The following LEPROT variants were observed in gnomAD, a reference collection of about 807,000 sequenced individuals.
LEPROT encodes the protein leptin receptor gene-related protein.
Under a neutral mutation model 15.4 loss-of-function variants are expected in LEPROT, and 3 were observed. The ratio of observed to expected loss-of-function variants is 0.19; its 90% confidence interval spans 0.09 to 0.50. LEPROT has a LOEUF of 0.50. Ranked by LOEUF, LEPROT falls within the 20% of genes least tolerant of loss-of-function variation. The pLI is 0.97. For synonymous variants in LEPROT, 59 were observed against 57.5 expected (o/e 1.03, Z -0.12); for missense variants, 137 against 162.2 (o/e 0.84, Z 0.84).
rs1220869438 is a variant in LEPROT at position 65,432,953 on chromosome 1, C to G, written c.*1034C>G. The G allele has an allele frequency of 2.0e-6, 2 of 984,664 alleles. No homozygotes were observed. Among genetic ancestry groups the G allele is most frequent in the Non-Finnish European group, 2.4e-6 (2 of 829,396 alleles). The allele number at this position is 984,664 out of a possible 1,614,324, so 61.0% of individuals were successfully genotyped here. Reference sequence around the variant, plus strand: ...GTCAATATATAATCAAAATAAAAAACAAAACATACTCTCTCCCCCAAAAAA... The same window carrying G: ...GTCAATATATAATCAAAATAAAAAAGAAAACATACTCTCTCCCCCAAAAAA... On this transcript the variant is annotated 3_prime_UTR_variant, in exon 4 of 4. Transcript: ENST00000371065.
At chr1:65,421,281 G>A in intron 1 of LEPROT, 2 of 1,485,320 alleles carry the variant, frequency 1.3e-6, no homozygotes, top group Non-Finnish European at 1.8e-6. Flanking sequence ...TAGATTACGT[G>A]TAATTTTAAT....
rs1379651445 is a variant in LEPROT, at chr1:65,427,839, C to T, written c.93-2023C>T. The T allele has an allele frequency of 8.2e-6, 3 of 365,148 alleles. No homozygotes were observed. The East Asian group carries it at 2.5e-4, about 31-fold the overall frequency. 22.6% of individuals were successfully genotyped at this position (365,148 alleles called of 1,614,324 possible). A position where few individuals can be genotyped will look rare whatever the true frequency, so the allele number is the denominator to read the frequency against. On this transcript the variant is annotated intron_variant, in intron 2 of 3. Transcript: ENST00000371065. Reference sequence around the variant, plus strand: ...AAGTTTTTGTAGAGACCGAGTCTCTCTGTGTTGCTCAGGCTGGTCTTGAAC... The same window carrying T: ...AAGTTTTTGTAGAGACCGAGTCTCTTTGTGTTGCTCAGGCTGGTCTTGAAC...
chr1:65,432,902 T>C lies in LEPROT; in HGVS notation c.*983T>C. 1 of 899,266 alleles carries C rather than the reference T, an allele frequency of 1.1e-6. No homozygotes were observed. The highest frequency in any genetic ancestry group is 1.3e-6 in the Non-Finnish European group (1 of 751,426). The allele number at this position is 899,266 out of a possible 1,614,324, so 55.7% of individuals were successfully genotyped here. On this transcript the variant is annotated 3_prime_UTR_variant, in exon 4 of 4. Coordinates refer to ENST00000371065, the MANE Select transcript of LEPROT (RefSeq NM_017526.5). ...ATTCAAAAATCATAAAACCGTATTG[T>C]ACCCTATAAAAATATACAATAATTT...
At chr1:65,423,481 A>G (rs1047030317) in intron 1 of LEPROT, among the ~76,000 whole-genome samples, 1 of 152,198 alleles carries the variant, frequency 6.6e-6, no homozygotes, top group Admixed American at 6.5e-5. Context: ...GACAGGCCTC[A>G]TGGAGGAGGG....
rs945809559 is a variant in LEPROT at position 65,434,403 on chromosome 1, T to C, written c.*2484T>C. On this transcript the variant is annotated 3_prime_UTR_variant, in exon 4 of 4. Coordinates refer to ENST00000371065, the MANE Select transcript of LEPROT (RefSeq NM_017526.5). ...AAAACTGAGATTGCACTTCCAAAAT[T>C]GGCCACAAGTAAATAATCTTATGAA... is the stretch of plus-strand genomic sequence containing the variant. 1 of 985,400 alleles carries C rather than the reference T, an allele frequency of 1.0e-6. No individual in the cohort carries two copies. The highest frequency in any genetic ancestry group is 1.7e-5 in the African/African-American group (1 of 57,354). The allele number at this position is 985,400 out of a possible 1,614,324, so 61.0% of individuals were successfully genotyped here.
intron 2 of LEPROT, among the ~76,000 whole-genome samples, chr1:65,426,303 T>C (rs932201927): frequency 7.2e-6 from 1 of 139,020 alleles, no homozygotes; most frequent in African/African-American, 3.3e-5. Flanking sequence ...TAAATTGTAG[T>C]GGAGTGGCAA....
rs574942301 is a variant in LEPROT at position 65,427,722 on chromosome 1, C to A, written c.93-2140C>A. 5.5e-5 allele frequency: 19 copies of A among 343,884 alleles called. No homozygotes were observed. The East Asian group carries it at 1.3e-3, about 24-fold the overall frequency. 21.3% of individuals were successfully genotyped at this position (343,884 alleles called of 1,614,324 possible). Reference sequence around the variant, plus strand: ...GTCTTTGTAAGGTAAGAAAATGACTCATTACTGCTACTACAAATAAGTTTG... The same window carrying A: ...GTCTTTGTAAGGTAAGAAAATGACTAATTACTGCTACTACAAATAAGTTTG... On this transcript the variant is annotated intron_variant, in intron 2 of 3. Coordinates refer to ENST00000371065, the MANE Select transcript of LEPROT (RefSeq NM_017526.5).
chr1:65,431,136 G>A (rs1345605983), intron 3 of LEPROT, among the ~76,000 whole-genome samples: 6 of 152,198 alleles, frequency 3.9e-5, no homozygotes, highest in African/African-American at 1.4e-4. Context: ...AATACAACAA[G>A]ATTGTCATGA....
Position 65,431,869 on chromosome 1 carries a change from T to C in LEPROT, c.346T>C (p.Phe116Leu). 1 of 1,613,990 alleles carries C rather than the reference T, an allele frequency of 6.2e-7. No homozygotes were observed. The highest frequency in any genetic ancestry group is 8.5e-7 in the Non-Finnish European group (1 of 1,179,950). The change falls in exon 4 of 4, where the codon TTT becomes CTT. Residue 116 changes from phenylalanine (F) to leucine (L), a missense_variant. Transcript: ENST00000371065. ...AGTCATTTTCCTTACAATTCAAGGG[T>C]TTTTCCTTATATTTGGAAGAGGAGA... ...NAVIFLTIQGFFLIFGRGDDF... is the reference protein window; with the variant it reads ...NAVIFLTIQGLFLIFGRGDDF...
chr1:65,428,440 G>A (rs762788977), intron 2 of LEPROT, among the ~76,000 whole-genome samples: 15 of 152,196 alleles, frequency 9.9e-5, no homozygotes, highest in Non-Finnish European at 1.9e-4. Flanking sequence ...AGTAGAGAAT[G>A]TCTAAGGGCT....
At position 65,434,012 on chromosome 1, in the gene LEPROT, A is replaced by C. The variant is rs147407267; in HGVS notation, c.*2093A>C. 7.2e-5 allele frequency: 71 copies of C among 985,306 alleles called. No individual in the cohort carries two copies. In the African/African-American group the frequency reaches 1.2e-3, roughly 16 times the overall value. The allele number at this position is 985,306 out of a possible 1,614,324, so 61.0% of individuals were successfully genotyped here. A position where few individuals can be genotyped will look rare whatever the true frequency, so the allele number is the denominator to read the frequency against. On this transcript the variant is annotated 3_prime_UTR_variant, in exon 4 of 4. Transcript: ENST00000371065. ...AAGATGGCAATAATGATTCATTTCT[A>C]CTACATTTTGCAAAAGTGTTTTTGT...
chr1:65,424,241 G>A (rs1646313651), intron 1 of LEPROT, among the ~76,000 whole-genome samples: 1 of 152,250 alleles, frequency 6.6e-6, no homozygotes, highest in African/African-American at 2.4e-5. Context: ...GTGCACACTA[G>A]TTGGGAATTG....
intron 2 of LEPROT, among the ~76,000 whole-genome samples, chr1:65,429,548 A>T (rs1368888634): frequency 2.0e-5 from 3 of 152,204 alleles, no homozygotes; most frequent in East Asian, 3.9e-4. Flanking sequence ...TCTATAGGGA[A>T]GGCAGAAATG....
At chr1:65,425,419 T>C in intron 2 of LEPROT, 41 bp downstream of exon 2, 2 of 1,537,466 alleles carry the variant, frequency 1.3e-6, no homozygotes, top group African/African-American at 2.8e-5. Context: ...TCTTTCTGTG[T>C]CTTTGTCACT....
chr1:65,429,314 A>T (rs532949293), intron 2 of LEPROT, among the ~76,000 whole-genome samples: 2 of 152,330 alleles, frequency 1.3e-5, no homozygotes, highest in Non-Finnish European at 2.9e-5. Flanking sequence ...TATGAGCTCA[A>T]GAGTGTTCAA....
At position 65,434,288 on chromosome 1, in the gene LEPROT, A is replaced by C; in HGVS notation, c.*2369A>C. On this transcript the variant is annotated 3_prime_UTR_variant, in exon 4 of 4. Coordinates refer to ENST00000371065, the MANE Select transcript of LEPROT (RefSeq NM_017526.5). ...TACAAAAGTTTGATCATGGTGACAC[A>C]AATGTTGGACATTTTTTTCCTTATA... 1 of 984,060 alleles carries C rather than the reference A, an allele frequency of 1.0e-6. No homozygotes were observed. The highest frequency in any genetic ancestry group is 1.2e-6 in the Non-Finnish European group (1 of 828,666). The allele number at this position is 984,060 out of a possible 1,614,324, so 61.0% of individuals were successfully genotyped here.
Position 65,432,574 on chromosome 1 carries a change from A to G in LEPROT, c.*655A>G, listed in dbSNP as rs1406067970. ...TTACCTGCTCATTTGTTTAAAAAAA[A>G]AAAAAAAGTCTCACCTGCTTTCATG... is the stretch of plus-strand genomic sequence containing the variant. On this transcript the variant is annotated 3_prime_UTR_variant, in exon 4 of 4. Coordinates refer to ENST00000371065, the MANE Select transcript of LEPROT (RefSeq NM_017526.5). 3.3e-5 allele frequency: 32 copies of G among 980,952 alleles called. No homozygotes were observed. Among genetic ancestry groups the G allele is most frequent in the Non-Finnish European group, 3.6e-5 (30 of 826,040 alleles). The allele number at this position is 980,952 out of a possible 1,614,324, so 60.8% of individuals were successfully genotyped here.
intron 2 of LEPROT, among the ~76,000 whole-genome samples, chr1:65,426,360 A>C (rs1472862145): frequency 6.6e-6 from 1 of 152,152 alleles, no homozygotes; most frequent in Non-Finnish European, 1.5e-5. Flanking sequence ...AGGGCTCTAT[A>C]TGCCTGCCGT....
Position 65,432,277 on chromosome 1 carries a change from C to G in LEPROT, c.*358C>G, listed in dbSNP as rs1243936921. 2.0e-6 allele frequency: 2 copies of G among 997,004 alleles called. No homozygotes were observed. The highest frequency in any genetic ancestry group is 1.7e-5 in the African/African-American group (1 of 57,346). The allele number at this position is 997,004 out of a possible 1,614,324, so 61.8% of individuals were successfully genotyped here. A position where few individuals can be genotyped will look rare whatever the true frequency, so the allele number is the denominator to read the frequency against. ...AGAGGCAGATAACGCTGAAGCAGGC[C>G]TCTCATGACCCAGGAAGGCCGGGGT... On this transcript the variant is annotated 3_prime_UTR_variant, in exon 4 of 4. Coordinates refer to ENST00000371065, the MANE Select transcript of LEPROT (RefSeq NM_017526.5).
Sources: allele counts gnomAD v4.1 joint callset (sites outside exome capture counted in the v4.1 genomes callset), GRCh38; gene constraint gnomAD v4.1.1; transcripts MANE v1.5; gene names NCBI Gene and HGNC (gene_info 2026-07-23, HGNC 2026-07-21).